Variants in ATG10 observed in about 807,000 individuals in gnomAD.
The protein encoded by ATG10 is autophagy related 10.
ATG10 carries 30 observed loss-of-function variants against 32.1 expected under a neutral mutation model. That is an observed-to-expected ratio of 0.94 (90% CI 0.70 to 1.27). The LOEUF (loss-of-function observed/expected upper bound fraction) is 1.27. Ranked by LOEUF, ATG10 falls within the 50% of genes most tolerant of loss-of-function variation. The pLI is 0.00. For synonymous variants in ATG10, 87 were observed against 91.5 expected, an observed-to-expected ratio of 0.95 and a Z score of 0.28; for missense variants, 233 against 262.3, an observed-to-expected ratio of 0.89 and a Z score of 0.77.
At chr5:81,987,702 C>T in intron 2 of ATG10, 24 bp downstream of exon 2, 1 of 1,562,580 alleles carries the variant, frequency 6.4e-7, no homozygotes, top group Non-Finnish European at 8.7e-7. Context: ...TGTTTGTTTT[C>T]TGTCTCAAAA....
chr5:82,036,896 G>T (rs1227624306), intron 2 of ATG10, among the ~76,000 whole-genome samples: 1 of 151,752 alleles, frequency 6.6e-6, no homozygotes, highest in Non-Finnish European at 1.5e-5. Flanking sequence ...ACTATGGAAG[G>T]CAGAGGCCGG....
chr5:82,068,121 T>C (rs1763999064), intron 3 of ATG10, among the ~76,000 whole-genome samples: 1 of 152,164 alleles, frequency 6.6e-6, no homozygotes, highest in African/African-American at 2.4e-5. Context: ...TTTGGGATGC[T>C]TTTCATAGCA....
At chr5:82,074,463 A>G (rs1003268890) in intron 3 of ATG10, among the ~76,000 whole-genome samples, 2 of 151,828 alleles carry the variant, frequency 1.3e-5, no homozygotes, top group Admixed American at 1.3e-4. Flanking sequence ...TTAATTTTGG[A>G]CTTTTTTTGC....
intron 5 of ATG10, among the ~76,000 whole-genome samples, chr5:82,211,188 A>T (rs1745479036): frequency 6.6e-6 from 1 of 152,192 alleles, no homozygotes; most frequent in African/African-American, 2.4e-5. Context: ...TGGGATTCTA[A>T]AATCTTATGT....
chr5:82,135,638 G>A (rs140402775), intron 3 of ATG10, among the ~76,000 whole-genome samples: 190 of 152,216 alleles, frequency 1.2e-3, no homozygotes, highest in African/African-American at 4.2e-3. Context: ...TTTATTTCCA[G>A]TTATGTGGTC....
rs569812784 is a variant in ATG10, at chr5:82,043,202, A to G, written c.109-15293A>G. Among the ~76,000 whole-genome samples, 4 of 152,276 alleles carry G rather than the reference A, an allele frequency of 2.6e-5. No homozygotes were observed. In the East Asian group the frequency reaches 7.7e-4, roughly 29 times the overall value. On this transcript the variant is annotated intron_variant, in intron 2 of 7. Transcript: ENST00000282185. Reference sequence around the variant, plus strand: ...TGCACACCTGCAGGCCCAATACCACATGGAAGCTGCCAAGGCTTGGGATTT... The same window carrying G: ...TGCACACCTGCAGGCCCAATACCACGTGGAAGCTGCCAAGGCTTGGGATTT...
intron 2 of ATG10, chr5:81,992,104 C>T (rs532662218): frequency 1.3e-5 from 2 of 152,132 alleles, no homozygotes; most frequent in African/African-American, 4.8e-5. Context: ...GATCCTTTCA[C>T]CTCAGCTCTC....
At chr5:82,060,998 G>A (rs927447298) in intron 3 of ATG10, among the ~76,000 whole-genome samples, 1 of 152,144 alleles carries the variant, frequency 6.6e-6, no homozygotes, top group African/African-American at 2.4e-5. Context: ...TCTCTTCAAA[G>A]AGTGAAACCT....
intron 1 of ATG10, among the ~76,000 whole-genome samples, chr5:81,979,847 T>TA (rs1760986126): frequency 0.06 from 6 of 100 alleles, no homozygotes; most frequent in Admixed American, 0.27. Context: ...ATTTTAAATC[T>TA]TTTTTTTTTT....
At chr5:82,076,289 A>G (rs1348937601) in intron 3 of ATG10, among the ~76,000 whole-genome samples, 1 of 152,106 alleles carries the variant, frequency 6.6e-6, no homozygotes, top group East Asian at 1.9e-4. Context: ...ATTTGTAATA[A>G]GTTTCTTAGG....
intron 3 of ATG10, among the ~76,000 whole-genome samples, chr5:82,154,938 C>T (rs1767749025): frequency 6.6e-6 from 1 of 152,218 alleles, no homozygotes; most frequent in Non-Finnish European, 1.5e-5. Flanking sequence ...CCTAGACATG[C>T]TGTTTCTTGT....
intron 1 of ATG10, among the ~76,000 whole-genome samples, chr5:81,980,378 G>T (rs1486924614): frequency 2.0e-5 from 3 of 152,132 alleles, no homozygotes; most frequent in Non-Finnish European, 4.4e-5. Context: ...TGTTATTAAT[G>T]TTTTTGGTTT....
intron 2 of ATG10, among the ~76,000 whole-genome samples, chr5:82,003,685 T>C (rs1388272258): frequency 1.3e-5 from 2 of 152,200 alleles, no homozygotes; most frequent in Non-Finnish European, 2.9e-5. Flanking sequence ...TTGAACATCA[T>C]TGGAAGTTTA....
At chr5:82,072,086 T>C (rs1764147688) in intron 3 of ATG10, among the ~76,000 whole-genome samples, 1 of 152,196 alleles carries the variant, frequency 6.6e-6, no homozygotes, top group Admixed American at 6.6e-5. Flanking sequence ...TCAAGTATGC[T>C]GGAACTTCTT....
chr5:82,201,891 G>A (rs1745082969), intron 5 of ATG10, among the ~76,000 whole-genome samples: 1 of 152,110 alleles, frequency 6.6e-6, no homozygotes, highest in Non-Finnish European at 1.5e-5. Flanking sequence ...AATTTGGGAT[G>A]CTATTATGTT....
intron 2 of ATG10, among the ~76,000 whole-genome samples, chr5:82,024,928 A>G (rs1581610104): frequency 6.6e-6 from 1 of 152,352 alleles, no homozygotes; most frequent in Non-Finnish European, 1.5e-5. Flanking sequence ...TGCCAAATTG[A>G]GATTTTAAAA....
chr5:82,148,805 G>A (rs949903227), intron 3 of ATG10, among the ~76,000 whole-genome samples: 1 of 152,036 alleles, frequency 6.6e-6, no homozygotes, highest in Non-Finnish European at 1.5e-5. Flanking sequence ...GCAAGATATT[G>A]ACCATGGTCT....
At chr5:82,042,562 C>T (rs947629786) in intron 2 of ATG10, among the ~76,000 whole-genome samples, 1 of 152,168 alleles carries the variant, frequency 6.6e-6, no homozygotes, top group Non-Finnish European at 1.5e-5. Context: ...AGTCCAAAGT[C>T]TCATCTGAGA....
chr5:82,211,689 T>C (rs1471659768), intron 5 of ATG10, among the ~76,000 whole-genome samples: 4 of 152,192 alleles, frequency 2.6e-5, no homozygotes, highest in African/African-American at 4.8e-5. Context: ...TCCAGCTCCT[T>C]TGGGGCCTGG....
Sources: allele counts gnomAD v4.1 joint callset (sites outside exome capture counted in the v4.1 genomes callset), GRCh38; gene constraint gnomAD v4.1.1; transcripts MANE v1.5; gene names NCBI Gene and HGNC (gene_info 2026-07-23, HGNC 2026-07-21).